TEC: variants seen among roughly 807,000 people sequenced by gnomAD.
TEC encodes the protein tyrosine-protein kinase Tec.
TEC carries 72 observed loss-of-function variants against 93.0 expected under a neutral mutation model. The ratio of observed to expected loss-of-function variants is 0.77; its 90% CI spans 0.64 to 0.94. The LOEUF is 0.94. Among genes scored for constraint, TEC ranks in the 40% least tolerant of loss-of-function variants. The pLI, the probability that TEC is intolerant of heterozygous loss-of-function variation, is 0.00. For missense variants in TEC, 630 were observed against 757.9 expected (o/e 0.83, Z 1.98); for synonymous variants, 249 against 247.7 (o/e 1.01, Z -0.05).
intron 1 of TEC, among the ~76,000 whole-genome samples, chr4:48,265,497 G>GTGTA (rs140621313): frequency 0.084 from 9,844 of 117,796 alleles, 432 homozygotes; most frequent in East Asian, 0.21. Flanking sequence ...ATATATGTGT[G>GTGTA]TATATATATA....
intron 5 of TEC, among the ~76,000 whole-genome samples, chr4:48,169,053 G>C (rs1286767307): frequency 6.6e-6 from 1 of 152,176 alleles, no homozygotes; most frequent in Non-Finnish European, 1.5e-5. Context: ...TCCCAGCTAG[G>C]TGTGGCAATG....
intron 9 of TEC, among the ~76,000 whole-genome samples, chr4:48,154,639 G>A (rs1720320455): frequency 6.6e-6 from 1 of 152,042 alleles, no homozygotes; most frequent in Non-Finnish European, 1.5e-5. Flanking sequence ...GTTTCAAAAT[G>A]AAGGGAAAAA....
chr4:48,255,286 C>G (rs866833940), intron 1 of TEC, among the ~76,000 whole-genome samples: 4 of 152,126 alleles, frequency 2.6e-5, no homozygotes, highest in African/African-American at 9.7e-5. Context: ...CAGGTTACAT[C>G]GCTCCAGGTT....
chr4:48,149,752 T>A lies in TEC; in HGVS notation c.873-62A>T. On this transcript the variant is annotated intron_variant, in intron 10 of 17. Coordinates refer to ENST00000381501, the MANE Select transcript of TEC (RefSeq NM_003215.3). Reference sequence around the variant, plus strand: ...AAATAATAGAACTTCATTCTTAAGATGTTTTCTACAAGGGCAACCACAGTG... The same window carrying A: ...AAATAATAGAACTTCATTCTTAAGAAGTTTTCTACAAGGGCAACCACAGTG... The A allele has an allele frequency of 2.0e-6, 3 of 1,523,260 alleles. No homozygotes were observed. In the South Asian group the frequency reaches 3.9e-5, roughly 20 times the overall value. The allele number at this position is 1,523,260 out of a possible 1,614,324, so 94.4% of individuals were successfully genotyped here. A position where few individuals can be genotyped will look rare whatever the true frequency, so the allele number is the denominator to read the frequency against.
intron 1 of TEC, among the ~76,000 whole-genome samples, chr4:48,251,984 G>A (rs1338404245): frequency 6.6e-6 from 1 of 152,142 alleles, no homozygotes; most frequent in Non-Finnish European, 1.5e-5. Context: ...TAAAATGGAA[G>A]AGAGAAAAGA....
chr4:48,199,455 C>CTTTTTTTTTTTTTTTTTTTT (rs34965891), intron 2 of TEC, among the ~76,000 whole-genome samples: 1 of 67,360 alleles, frequency 1.5e-5, no homozygotes, highest in Non-Finnish European at 2.6e-5. Flanking sequence ...GATTTTCTTT[C>CTTTTTTTTTTTTTTTTTTTT]TTTTTTTTTT....
chr4:48,264,755 G>A (rs1198486191), intron 1 of TEC, among the ~76,000 whole-genome samples: 1 of 151,822 alleles, frequency 6.6e-6, no homozygotes, highest in Non-Finnish European at 1.5e-5. Flanking sequence ...TCCTGCCTCA[G>A]CCTGCTGAGT....
chr4:48,195,173 T>C (rs1005690185), intron 2 of TEC, among the ~76,000 whole-genome samples: 13 of 152,246 alleles, frequency 8.5e-5, no homozygotes, highest in Admixed American at 7.9e-4. Flanking sequence ...TTGTTATAGA[T>C]AATGAGGTGG....
intron 2 of TEC, among the ~76,000 whole-genome samples, chr4:48,222,028 A>G (rs771136574): frequency 6.6e-6 from 1 of 152,200 alleles, no homozygotes; most frequent in Non-Finnish European, 1.5e-5. Context: ...GATCCATTCT[A>G]CTTTTGCCAG....
intron 2 of TEC, among the ~76,000 whole-genome samples, chr4:48,219,623 G>A (rs1428965862): frequency 1.3e-5 from 2 of 152,164 alleles, no homozygotes; most frequent in African/African-American, 2.4e-5. Context: ...AAACGCTGAC[G>A]TATGCTGCCT....
At chr4:48,173,313 A>C (rs1357135194) in intron 3 of TEC, among the ~76,000 whole-genome samples, 1 of 152,232 alleles carries the variant, frequency 6.6e-6, no homozygotes, top group South Asian at 2.1e-4. Flanking sequence ...CACCAAAAAA[A>C]ACCTAATCCA....
At chr4:48,163,649 G>T (rs1386555743) in intron 8 of TEC, 53 bp downstream of exon 8, 2 of 1,173,104 alleles carry the variant, frequency 1.7e-6, no homozygotes, top group African/African-American at 1.6e-5. Flanking sequence ...TACATAATTA[G>T]GAAAATGAAA....
At chr4:48,206,935 G>A (rs2109604960) in intron 2 of TEC, among the ~76,000 whole-genome samples, 1 of 152,106 alleles carries the variant, frequency 6.6e-6, no homozygotes, top group Non-Finnish European at 1.5e-5. Context: ...CTCCAACCTG[G>A]GTAACAGAGT....
intron 1 of TEC, among the ~76,000 whole-genome samples, chr4:48,267,728 G>C (rs1173041903): frequency 1.3e-5 from 2 of 152,096 alleles, no homozygotes; most frequent in African/African-American, 4.8e-5. Flanking sequence ...AGCATCCACG[G>C]GGAACCAGCA....
intron 1 of TEC, among the ~76,000 whole-genome samples, chr4:48,256,034 G>A (rs1323937440): frequency 6.6e-6 from 1 of 152,158 alleles, no homozygotes; most frequent in Non-Finnish European, 1.5e-5. Context: ...AGCACCTATT[G>A]TGCACTAAGC....
chr4:48,149,775 G>A, intron 10 of TEC, 85 bp from the exon 11 acceptor site: 2 of 1,372,928 alleles, frequency 1.5e-6, no homozygotes, highest in East Asian at 4.9e-5. Flanking sequence ...GGCAACCACA[G>A]TGTCTCTCCA....
rs116358338 is a variant in TEC, at chr4:48,240,933, A to G, written c.-45-12274T>C. 5.3e-3 allele frequency among the ~76,000 whole-genome samples: 812 copies of G among 152,116 alleles called. 10 individuals carry two copies. The highest frequency in any genetic ancestry group is 0.018 in the African/African-American group (763 of 41,472). ...AATTTCAAAAACTGAAATGCCAGCC[A>G]TTACATACCTGATCCCTAACAGGAA... On this transcript the variant is annotated intron_variant, in intron 1 of 17. Transcript: ENST00000381501.
chr4:48,221,350 T>TACACAC (rs1723254686), intron 2 of TEC, among the ~76,000 whole-genome samples: 3 of 152,062 alleles, frequency 2.0e-5, no homozygotes, highest in Admixed American at 6.5e-5. Flanking sequence ...AGTGGGTGAG[T>TACACAC]TCTCACAAGA....
chr4:48,256,584 G>A (rs12508645), intron 1 of TEC, among the ~76,000 whole-genome samples: 1 of 121,744 alleles, frequency 8.2e-6, no homozygotes. Flanking sequence ...AACAGAGCGA[G>A]ACCTTGTCTC....
Sources: allele counts gnomAD v4.1 joint callset (sites outside exome capture counted in the v4.1 genomes callset), GRCh38; gene constraint gnomAD v4.1.1; transcripts MANE v1.5; gene names NCBI Gene and HGNC (gene_info 2026-07-23, HGNC 2026-07-21).